The following LRP1B variants were observed in gnomAD, a reference collection of about 807,000 sequenced individuals.
LRP1B encodes low-density lipoprotein receptor-related protein 1B.
In LRP1B, 217 loss-of-function variants were observed where a neutral mutation model predicts 556.6. The ratio of observed to expected loss-of-function variants is 0.39; its 90% CI spans 0.35 to 0.44. The LOEUF is 0.44. Among genes scored for constraint, LRP1B ranks in the 20% least tolerant of loss-of-function variants. The pLI, the probability that LRP1B is intolerant of heterozygous loss-of-function variation, is 1.00. For synonymous variants in LRP1B, 2,047 were observed against 1,865.8 expected (o/e 1.10, Z -2.50); for missense variants, 5,053 against 5,620.8 (o/e 0.90, Z 3.23).
chr2:141,061,120 T>C (rs1469997436), intron 8 of LRP1B, among the ~76,000 whole-genome samples: 1 of 151,702 alleles, frequency 6.6e-6, no homozygotes, highest in South Asian at 2.1e-4. Flanking sequence ...TCAAGATTTT[T>C]GGGGCAGTTG....
chr2:142,100,277 CT>C (rs987816287), intron 1 of LRP1B, among the ~76,000 whole-genome samples: 14 of 151,988 alleles, frequency 9.2e-5, no homozygotes, highest in African/African-American at 3.1e-4. Context: ...CGCTGCAATG[CT>C]TGGAGAGCAC....
At chr2:141,110,359 G>A (rs1418344032) in intron 7 of LRP1B, among the ~76,000 whole-genome samples, 1 of 152,034 alleles carries the variant, frequency 6.6e-6, no homozygotes, top group Non-Finnish European at 1.5e-5. Flanking sequence ...TACTGGGAAG[G>A]GAAAACTTTT....
At chr2:141,187,934 A>C (rs1681329858) in intron 7 of LRP1B, among the ~76,000 whole-genome samples, 2 of 151,986 alleles carry the variant, frequency 1.3e-5, no homozygotes, top group African/African-American at 4.8e-5. Flanking sequence ...CGAACGTAAG[A>C]GTCTGAACAA....
intron 1 of LRP1B, among the ~76,000 whole-genome samples, chr2:141,909,811 TAGC>T (rs1289266141): frequency 6.6e-6 from 1 of 152,048 alleles, no homozygotes; most frequent in African/African-American, 2.4e-5. Flanking sequence ...ATTGTGTACA[TAGC>T]AATGTCATAT....
intron 7 of LRP1B, among the ~76,000 whole-genome samples, chr2:141,100,202 A>G (rs1187776498): frequency 6.6e-6 from 1 of 152,162 alleles, no homozygotes; most frequent in Non-Finnish European, 1.5e-5. Flanking sequence ...CTTAGTACTA[A>G]CACTTCTGAG....
rs184834151 is a variant in LRP1B at position 141,127,814 on chromosome 2, T to A, written c.1013+60607A>T. On this transcript the variant is annotated intron_variant, in intron 7 of 90. Transcript: ENST00000389484. ...TAAGAGTCTCATTTTACTTTTATGATCACTATCTTAGTAGTCACATCAATT... is the reference window on the plus strand; with the variant it reads ...TAAGAGTCTCATTTTACTTTTATGAACACTATCTTAGTAGTCACATCAATT... Among the ~76,000 whole-genome samples the A allele has an allele frequency of 2.0e-4, 30 of 152,288 alleles. 1 individual carries two copies. The East Asian group carries it at 5.4e-3, about 27-fold the overall frequency.
chr2:141,590,662 G>A (rs914534201), intron 2 of LRP1B, among the ~76,000 whole-genome samples: 1 of 152,110 alleles, frequency 6.6e-6, no homozygotes, highest in Admixed American at 6.5e-5. Context: ...GATTTCAATT[G>A]ACAATCCCTG....
chr2:140,577,831 A>G (rs1681592984), intron 43 of LRP1B, among the ~76,000 whole-genome samples: 1 of 152,166 alleles, frequency 6.6e-6, no homozygotes, highest in Non-Finnish European at 1.5e-5. Flanking sequence ...TTTTAGTCAT[A>G]TATAGTGGCA....
At chr2:141,196,291 C>T (rs1008699510) in intron 6 of LRP1B, among the ~76,000 whole-genome samples, 5 of 152,020 alleles carry the variant, frequency 3.3e-5, no homozygotes, top group Admixed American at 3.3e-4. Context: ...AGTGCATTTA[C>T]TTTCGTAATT....
At chr2:140,237,480 C>T (rs1680759555) in intron 89 of LRP1B, among the ~76,000 whole-genome samples, 1 of 150,740 alleles carries the variant, frequency 6.6e-6, no homozygotes, top group Non-Finnish European at 1.5e-5. Flanking sequence ...TACTGATTTC[C>T]TACTTATTAT....
At chr2:141,825,381 T>C (rs970075045) in intron 1 of LRP1B, among the ~76,000 whole-genome samples, 1 of 152,204 alleles carries the variant, frequency 6.6e-6, no homozygotes, top group African/African-American at 2.4e-5. Flanking sequence ...CCTTCCCTAG[T>C]ATTCTCCAGA....
chr2:141,060,914 A>T (rs986298111), intron 8 of LRP1B, among the ~76,000 whole-genome samples: 13 of 151,792 alleles, frequency 8.6e-5, no homozygotes, highest in Non-Finnish European at 1.6e-4. Context: ...AAATACAGGC[A>T]ATAGACATGG....
chr2:141,137,219 G>C (rs562552388), intron 7 of LRP1B, among the ~76,000 whole-genome samples: 1 of 151,816 alleles, frequency 6.6e-6, no homozygotes, highest in Admixed American at 6.6e-5. Context: ...AAGGAACATC[G>C]GCCTAATAGA....
intron 1 of LRP1B, among the ~76,000 whole-genome samples, chr2:141,961,376 C>T (rs1233964016): frequency 6.6e-6 from 1 of 151,646 alleles, no homozygotes; most frequent in African/African-American, 2.4e-5. Flanking sequence ...ATAAAAGGTT[C>T]ATGATTGGTT....
chr2:140,789,791 C>T lies in LRP1B; in HGVS notation c.5360-13553G>A, dbSNP rs532865411. On this transcript the variant is annotated intron_variant, in intron 32 of 90. Transcript: ENST00000389484. ...GACTACAGGCGCCCGCCACTACGCC[C>T]GGCTAATTTTTTGTATTTTTAGTAG... 3.2e-4 allele frequency among the ~76,000 whole-genome samples: 48 copies of T among 150,874 alleles called. 1 individual carries two copies. The highest frequency in any genetic ancestry group is 2.8e-3 in the Admixed American group (42 of 15,118).
chr2:142,128,671 C>G (rs987869429), intron 1 of LRP1B, among the ~76,000 whole-genome samples: 1 of 152,062 alleles, frequency 6.6e-6, no homozygotes, highest in Non-Finnish European at 1.5e-5. Context: ...TGCTGGTCTA[C>G]AATTATTTTT....
intron 5 of LRP1B, among the ~76,000 whole-genome samples, chr2:141,246,642 C>G (rs1234494252): frequency 6.6e-6 from 1 of 152,110 alleles, no homozygotes. Context: ...TAATCCATAT[C>G]TTTTGAACAG....
chr2:140,962,266 C>T (rs979017825), intron 18 of LRP1B, among the ~76,000 whole-genome samples: 44 of 152,072 alleles, frequency 2.9e-4, no homozygotes, highest in African/African-American at 1.1e-3. Context: ...TTGTCATCTC[C>T]TTATTGAGGT....
At chr2:140,644,598 A>C (rs1178137382) in intron 41 of LRP1B, among the ~76,000 whole-genome samples, 1 of 151,742 alleles carries the variant, frequency 6.6e-6, no homozygotes, top group African/African-American at 2.4e-5. Flanking sequence ...ATTTTTGTAG[A>C]AACTGGTTCT....
Sources: gnomAD v4.1 joint callset for allele counts (sites outside exome capture counted in the v4.1 genomes callset) on GRCh38, gnomAD v4.1.1 for gene constraint, MANE v1.5 for transcripts, NCBI Gene and HGNC (gene_info 2026-07-23, HGNC 2026-07-21) for gene names.